Variants in GRAMD1B observed in about 807,000 individuals in gnomAD.
GRAMD1B encodes GRAM domain containing 1B.
In GRAMD1B, 37 loss-of-function variants were observed where a neutral mutation model predicts 99.7. The ratio of observed to expected loss-of-function variants is 0.37; its 90% confidence interval spans 0.29 to 0.49. GRAMD1B has a LOEUF of 0.49. Ranked by LOEUF, GRAMD1B falls within the 20% of genes least tolerant of loss-of-function variation. The probability of loss-of-function intolerance (pLI) is 0.98; values close to 1 mark genes in which losing one functional copy is unlikely to be tolerated. For synonymous variants in GRAMD1B, 427 were observed against 387.6 expected, an observed-to-expected ratio of 1.10 and a Z score of -1.19; for missense variants, 888 against 1,009.2, an observed-to-expected ratio of 0.88 and a Z score of 1.63.
rs140612538 is a variant in GRAMD1B, at chr11:123,378,468, A to T, written c.-176+19669A>T. ...CTTTTATCAAATATATGATTTGCAA[A>T]ACTTCTCTCCAATTCATCAGGTTGT... On this transcript the variant is annotated intron_variant, in intron 1 of 20. Coordinates refer to the GRAMD1B transcript ENST00000638157. 1.6e-4 allele frequency among the ~76,000 whole-genome samples: 24 copies of T among 152,264 alleles called. No homozygotes were observed. The East Asian group carries it at 4.0e-3, about 26-fold the overall frequency.
At chr11:123,478,234 A>G (rs552115507) in intron 1 of GRAMD1B, among the ~76,000 whole-genome samples, 2 of 149,872 alleles carry the variant, frequency 1.3e-5, no homozygotes, top group East Asian at 4.0e-4. Context: ...CTGATCAGGA[A>G]CTCCTGGGTT....
Position 123,622,501 on chromosome 11 carries a change from T to TG in GRAMD1B, c.2545-4dup, listed in dbSNP as rs1486938329. On this transcript the variant is annotated splice_polypyrimidine_tract_variant and splice_region_variant and intron_variant, in intron 19 of 19. Coordinates refer to ENST00000635736, the MANE Select transcript of GRAMD1B (RefSeq NM_001387025.1). ...AGGCCTGGGGTGGGGTTTTCTGTCT[T>TG]GCAGATGAAGGACTCGCTCATCAAC... The TG allele has an allele frequency of 2.6e-6, 4 of 1,539,482 alleles. No homozygotes were observed. In the African/African-American group the frequency reaches 5.5e-5, roughly 21 times the overall value.
rs1413211857 is a variant in GRAMD1B, at chr11:123,612,803, A to G, written c.1962A>G (p.Leu654=). The change falls in exon 15 of 20, where the codon TTA becomes TTG. Residue 654 remains leucine (L), a synonymous_variant. Coordinates refer to ENST00000635736, the MANE Select transcript of GRAMD1B (RefSeq NM_001387025.1). The part of the protein sequence containing the change: ...ELRYRKQPWG[L]VKTFIEKNFW... ...GCTATCGAAAACAGCCCTGGGGGTT[A>G]GTGAAAACGTTCATCGAGAAGAACT... The G allele has an allele frequency of 1.2e-6, 2 of 1,612,260 alleles. No individual in the cohort carries two copies. The highest frequency in any genetic ancestry group is 3.3e-5 in the Admixed American group (2 of 59,966).
intron 1 of GRAMD1B, among the ~76,000 whole-genome samples, chr11:123,470,278 T>C (rs1315396742): frequency 6.6e-6 from 1 of 152,184 alleles, no homozygotes; most frequent in Non-Finnish European, 1.5e-5. Flanking sequence ...CACAAAACCA[T>C]ACAAAAGCTA....
At chr11:123,390,150 A>AAG (rs1555110197) in intron 1 of GRAMD1B, among the ~76,000 whole-genome samples, 3 of 151,690 alleles carry the variant, frequency 2.0e-5, no homozygotes, top group East Asian at 3.9e-4. Context: ...AAAAAAAAAA[A>AAG]AGAGAGAGAG....
At chr11:123,619,395 C>A in intron 19 of GRAMD1B, 171 bp downstream of exon 19, 1 of 1,483,906 alleles carries the variant, frequency 6.7e-7, no homozygotes. Flanking sequence ...CTTGAGTGGG[C>A]TGCTAGAAAT....
rs954045872 is a variant in GRAMD1B, at chr11:123,585,051, C to G, written c.684+719C>G. On this transcript the variant is annotated intron_variant, in intron 4 of 19. Transcript: ENST00000635736. ...TCTCAGCTGGCCCCCGCCGTGTGTT[C>G]TGCTCTTTGGGGACTTCACAGTGGA... is the stretch of plus-strand genomic sequence containing the variant. 1.2e-4 allele frequency among the ~76,000 whole-genome samples: 18 copies of G among 152,360 alleles called. No homozygotes were observed. In the South Asian group the frequency reaches 1.9e-3, roughly 16 times the overall value.
At chr11:123,379,615 G>A (rs1379241342) in intron 1 of GRAMD1B, among the ~76,000 whole-genome samples, 1 of 152,028 alleles carries the variant, frequency 6.6e-6, no homozygotes, top group Non-Finnish European at 1.5e-5. Flanking sequence ...TTACTTTTCA[G>A]CTATTATGAG....
At chr11:123,541,501 T>A (rs1426512917) in intron 2 of GRAMD1B, among the ~76,000 whole-genome samples, 1 of 152,196 alleles carries the variant, frequency 6.6e-6, no homozygotes, top group Non-Finnish European at 1.5e-5. Flanking sequence ...ATGTTATTAA[T>A]TTTCATATGA....
rs989983223 is a variant in GRAMD1B at position 123,414,519 on chromosome 11, C to G, written c.-176+55720C>G. On this transcript the variant is annotated intron_variant, in intron 1 of 20. Coordinates refer to the GRAMD1B transcript ENST00000638157. ...TTTTTATAGATGAATGCTTAGCTCC[C>G]TCTCTTATTGATATGCTTTGTTCAA... 5.3e-5 allele frequency among the ~76,000 whole-genome samples: 8 copies of G among 152,256 alleles called. 1 individual carries two copies. The highest frequency in any genetic ancestry group is 3.9e-4 in the Admixed American group (6 of 15,302).
intron 3 of GRAMD1B, among the ~76,000 whole-genome samples, chr11:123,584,091 C>G (rs942812145): frequency 6.6e-6 from 1 of 151,958 alleles, no homozygotes; most frequent in Non-Finnish European, 1.5e-5. Context: ...CCTGCCACCC[C>G]GCCCGCGGTG....
At chr11:123,604,672 T>C (rs1952458034) in intron 9 of GRAMD1B, among the ~76,000 whole-genome samples, 2 of 152,324 alleles carry the variant, frequency 1.3e-5, no homozygotes, top group Middle Eastern at 3.4e-3. Context: ...ATCTCCAAAA[T>C]GCACATAAGG....
chr11:123,515,129 G>T (rs182050387), intron 2 of GRAMD1B, among the ~76,000 whole-genome samples: 6 of 152,202 alleles, frequency 3.9e-5, no homozygotes, highest in African/African-American at 1.4e-4. Context: ...GGAGATGGAG[G>T]AGTCTAGGGT....
chr11:123,463,368 A>C lies in GRAMD1B; in HGVS notation c.375-17448A>C, dbSNP rs1383413570. On this transcript the variant is annotated intron_variant, in intron 1 of 19. Transcript: ENST00000635736. ...AGTGTATACACTTCTTATTTACCTG[A>C]TGAGGGTAAAAAGTTGGAAGCATAT... 2.6e-5 allele frequency among the ~76,000 whole-genome samples: 4 copies of C among 152,314 alleles called. No individual in the cohort carries two copies. In the East Asian group the frequency reaches 7.7e-4, roughly 29 times the overall value.
At chr11:123,580,858 G>A (rs1949278947) in intron 3 of GRAMD1B, among the ~76,000 whole-genome samples, 1 of 151,390 alleles carries the variant, frequency 6.6e-6, no homozygotes, top group Non-Finnish European at 1.5e-5. Context: ...CCGCGGTGCG[G>A]GCATCGCGCT....
chr11:123,618,201 C>A, intron 17 of GRAMD1B: 1 of 720,182 alleles, frequency 1.4e-6, no homozygotes, highest in Non-Finnish European at 2.5e-6. Flanking sequence ...GTCGTCTCAT[C>A]CATTGTGTCT....
chr11:123,370,838 A>G (rs769059691), intron 1 of GRAMD1B, among the ~76,000 whole-genome samples: 2 of 152,140 alleles, frequency 1.3e-5, no homozygotes, highest in Non-Finnish European at 2.9e-5. Context: ...TCTATGTGGC[A>G]TGATCGTCTC....
At chr11:123,474,894 A>G (rs899035219) in intron 1 of GRAMD1B, among the ~76,000 whole-genome samples, 3 of 152,162 alleles carry the variant, frequency 2.0e-5, no homozygotes, top group African/African-American at 7.2e-5. Flanking sequence ...TGTAGTTTCC[A>G]TCAGGCTCTG....
intron 1 of GRAMD1B, among the ~76,000 whole-genome samples, chr11:123,408,437 G>A (rs907323992): frequency 2.0e-5 from 3 of 152,316 alleles, no homozygotes; most frequent in South Asian, 4.1e-4. Context: ...ATGTTAAAAC[G>A]AGTACTGGAA....
Sources: allele counts gnomAD v4.1 joint callset (sites outside exome capture counted in the v4.1 genomes callset), GRCh38; gene constraint gnomAD v4.1.1; transcripts MANE v1.5; gene names NCBI Gene and HGNC (gene_info 2026-07-23, HGNC 2026-07-21).